GNAI3: variants seen among roughly 807,000 people sequenced by gnomAD.
The protein encoded by GNAI3 is guanine nucleotide-binding protein G(i) subunit alpha-3.
A neutral mutation model predicts 41.8 loss-of-function variants in GNAI3; 12 were observed. The observed-to-expected ratio is 0.29, with a 90% CI of 0.18 to 0.47. The LOEUF is 0.47. GNAI3 is among the 20% of genes least tolerant of loss of function. GNAI3 has a pLI of 1.00. For missense variants in GNAI3, 360 were observed against 429.6 expected (o/e 0.84, Z 1.43); for synonymous variants, 132 against 146.5 (o/e 0.90, Z 0.71).
rs1194522820 is a variant in GNAI3 at position 109,582,498 on chromosome 1, C to T, written c.523C>T (p.Leu175Phe). The change falls in exon 5 of 9, where the codon CTT (leucine) becomes TTT (phenylalanine). Residue 175 changes from leucine to phenylalanine, a missense_variant. By Grantham distance (22) the Leu-to-Phe change is conservative. Coordinates refer to ENST00000369851, the MANE Select transcript of GNAI3 (RefSeq NM_006496.4). The part of the protein sequence containing the change: ...SNYIPTQQDV[L>F]RTRVKTTGIV... ...CTACATTCCAACTCAGCAAGATGTTCTTCGGACGAGAGTGAAGACCACAGG... is the reference window on the plus strand; with the variant it reads ...CTACATTCCAACTCAGCAAGATGTTTTTCGGACGAGAGTGAAGACCACAGG... The T allele has an allele frequency of 1.3e-6, 2 of 1,597,958 alleles. No individual in the cohort carries two copies. Among genetic ancestry groups the T allele is most frequent in the Admixed American group, 1.7e-5 (1 of 60,008 alleles).
At chr1:109,551,012 G>C (rs1382489787) in intron 1 of GNAI3, among the ~76,000 whole-genome samples, 1 of 152,208 alleles carries the variant, frequency 6.6e-6, no homozygotes, top group African/African-American at 2.4e-5. Context: ...AATTTGGATA[G>C]GCGGAACTTG....
chr1:109,569,730 A>G (rs1250139515), intron 1 of GNAI3, among the ~76,000 whole-genome samples: 1 of 152,152 alleles, frequency 6.6e-6, no homozygotes, highest in East Asian at 1.9e-4. Flanking sequence ...TATTAGTGTG[A>G]TAATAAAGGG....
At chr1:109,586,700 T>C in intron 6 of GNAI3, 29 bp from the exon 7 acceptor site, 1 of 1,535,630 alleles carries the variant, frequency 6.5e-7, no homozygotes, top group Non-Finnish European at 8.9e-7. Context: ...TATTTGCTAC[T>C]GACCTATCAT....
In GNAI3 at chr1:109,586,404, T is replaced by G. The variant is rs74113944; in HGVS notation, c.720+59T>G. ...ATGTAGCCAGGAAATGGAAAATAAC[T>G]TATTAGGAAGATTATCTGCATCCAT... is the stretch of plus-strand genomic sequence containing the variant. On this transcript the variant is annotated intron_variant, in intron 6 of 8. Transcript: ENST00000369851. The G allele has an allele frequency of 4.5e-5, 68 of 1,499,122 alleles. No homozygotes were observed. In the African/African-American group the frequency reaches 9.4e-4, roughly 21 times the overall value. The allele number at this position is 1,499,122 out of a possible 1,614,324, so 92.9% of individuals were successfully genotyped here.
intron 1 of GNAI3, 26 bp downstream of exon 1, chr1:109,548,864 GT>G (rs781232776): frequency 6.8e-7 from 1 of 1,464,858 alleles, no homozygotes. Flanking sequence ...CGGGGACTGA[GT>G]GGTGGTCGGG....
intron 7 of GNAI3, among the ~76,000 whole-genome samples, chr1:109,587,912 A>G (rs1426370008): frequency 1.3e-5 from 2 of 152,310 alleles, no homozygotes; most frequent in African/African-American, 4.8e-5. Flanking sequence ...CAGGTCTTAG[A>G]ATGGAATTAG....
At chr1:109,562,655 T>G (rs1407912767) in intron 1 of GNAI3, among the ~76,000 whole-genome samples, 1 of 152,222 alleles carries the variant, frequency 6.6e-6, no homozygotes, top group Non-Finnish European at 1.5e-5. Context: ...GGCATCCTTA[T>G]CTGGCAACTC....
intron 1 of GNAI3, among the ~76,000 whole-genome samples, chr1:109,555,994 GTGTGTT>G (rs1557902205): frequency 6.8e-6 from 1 of 147,818 alleles, no homozygotes; most frequent in African/African-American, 2.6e-5. Context: ...GTGTGTGTGT[GTGTGTT>G]TGTGTGTGTT....
At chr1:109,560,117 A>G (rs1388938104) in intron 1 of GNAI3, among the ~76,000 whole-genome samples, 1 of 152,222 alleles carries the variant, frequency 6.6e-6, no homozygotes, top group Non-Finnish European at 1.5e-5. Context: ...TTGATTTCCA[A>G]GTTAGACTTA....
chr1:109,565,879 T>C (rs1011137076), intron 1 of GNAI3, among the ~76,000 whole-genome samples: 9 of 152,240 alleles, frequency 5.9e-5, no homozygotes, highest in Middle Eastern at 3.4e-3. Flanking sequence ...ATTACATAGA[T>C]ATGGAAGGGT....
chr1:109,583,294 T>A (rs1030595106), intron 5 of GNAI3, among the ~76,000 whole-genome samples: 4 of 152,178 alleles, frequency 2.6e-5, no homozygotes, highest in Non-Finnish European at 5.9e-5. Flanking sequence ...ACTGCAACCT[T>A]GACCTCCTGG....
chr1:109,553,580 A>G (rs113200945), intron 1 of GNAI3, among the ~76,000 whole-genome samples: 4,892 of 152,158 alleles, frequency 0.032, 217 homozygotes, highest in African/African-American at 0.09. Context: ...TATGTTTGCC[A>G]TTTGCTTGGG....
chr1:109,552,015 A>G (rs1647993082), intron 1 of GNAI3, among the ~76,000 whole-genome samples: 1 of 152,006 alleles, frequency 6.6e-6, no homozygotes, highest in Admixed American at 6.6e-5. Context: ...TACAAAAATT[A>G]GCCGGGCGTG....
chr1:109,591,541 T>C (rs1649171420), intron 7 of GNAI3: 1 of 764,356 alleles, frequency 1.3e-6, no homozygotes, highest in Non-Finnish European at 2.3e-6. Flanking sequence ...TTAAAAAATA[T>C]GGAACGCTTC....
chr1:109,565,657 T>C (rs977158001), intron 1 of GNAI3, among the ~76,000 whole-genome samples: 1 of 152,232 alleles, frequency 6.6e-6, no homozygotes, highest in Admixed American at 6.5e-5. Context: ...GCCTAATCTG[T>C]CCTAGATTTT....
At chr1:109,559,603 A>C (rs1434226155) in intron 1 of GNAI3, among the ~76,000 whole-genome samples, 1 of 152,230 alleles carries the variant, frequency 6.6e-6, no homozygotes, top group African/African-American at 2.4e-5. Context: ...GCTGGTTAGA[A>C]AGATAGTTAA....
At chr1:109,577,039 G>A (rs1648765263) in intron 3 of GNAI3, among the ~76,000 whole-genome samples, 1 of 147,864 alleles carries the variant, frequency 6.8e-6, no homozygotes, top group Admixed American at 6.7e-5. Flanking sequence ...TTAAAGTAGT[G>A]CTTAATAAGG....
chr1:109,581,829 C>T (rs543719022), intron 4 of GNAI3, among the ~76,000 whole-genome samples: 5 of 152,082 alleles, frequency 3.3e-5, no homozygotes, highest in Admixed American at 6.5e-5. Flanking sequence ...GCGGAAGTTG[C>T]AGTGAGCCGA....
At chr1:109,563,615 T>C (rs1418531515) in intron 1 of GNAI3, among the ~76,000 whole-genome samples, 1 of 152,218 alleles carries the variant, frequency 6.6e-6, no homozygotes, top group African/African-American at 2.4e-5. Context: ...TGTAAAATGC[T>C]TGTTAACTTT....
Sources: allele counts gnomAD v4.1 joint callset (sites outside exome capture counted in the v4.1 genomes callset), GRCh38; gene constraint gnomAD v4.1.1; transcripts MANE v1.5; gene names NCBI Gene and HGNC (gene_info 2026-07-23, HGNC 2026-07-21).